SGK3: variants seen among roughly 807,000 people sequenced by gnomAD.
SGK3 encodes the protein serum/glucocorticoid regulated kinase family member 3.
Under a neutral mutation model 68.5 loss-of-function variants are expected in SGK3, and 47 were observed. The observed-to-expected ratio is 0.69, with a 90% CI of 0.54 to 0.87. The LOEUF (loss-of-function observed/expected upper bound fraction) is 0.87, where lower values mean the gene tolerates loss of function less well. Ranked by LOEUF, SGK3 falls within the 40% of genes least tolerant of loss-of-function variation. The pLI is 0.00. For missense variants in SGK3, 479 were observed against 575.5 expected, an observed-to-expected ratio of 0.83 and a Z score of 1.72; for synonymous variants, 181 against 189.1, an observed-to-expected ratio of 0.96 and a Z score of 0.35.
intron 16 of SGK3, 31 bp from the exon 17 acceptor site, chr8:66,859,380 G>GGT: frequency 6.6e-7 from 1 of 1,515,004 alleles, no homozygotes; most frequent in Non-Finnish European, 8.9e-7. Context: ...GAAAAGCTAA[G>GGT]GTGAATAATA....
At chr8:66,733,112 A>G (rs1260175063) in intron 1 of SGK3, among the ~76,000 whole-genome samples, 3 of 152,172 alleles carry the variant, frequency 2.0e-5, no homozygotes, top group Admixed American at 6.6e-5. Flanking sequence ...GGGGATAGCA[A>G]TTCAGGAGAA....
intron 15 of SGK3, 114 bp from the exon 16 acceptor site, chr8:66,850,717 C>T (rs1810247118): frequency 1.1e-6 from 1 of 944,828 alleles, no homozygotes; most frequent in Admixed American, 2.8e-5. Context: ...ACACATGTTC[C>T]TAAAAAGAGT....
rs1326090883 is a variant in SGK3 at position 66,751,327 on chromosome 8, A to G, written c.-122+38494A>G. ...TCATTAAATTTAAGTACTGGTTTACATATTCATTTTTATAGGGCATTTCTG... is the reference window on the plus strand; with the variant it reads ...TCATTAAATTTAAGTACTGGTTTACGTATTCATTTTTATAGGGCATTTCTG... On this transcript the variant is annotated intron_variant, in intron 1 of 16. Coordinates refer to ENST00000521198, the MANE Select transcript of SGK3 (RefSeq NM_001033578.3). Among the ~76,000 whole-genome samples, 4 of 152,336 alleles carry G rather than the reference A, an allele frequency of 2.6e-5. No individual in the cohort carries two copies. The East Asian group carries it at 7.7e-4, about 29-fold the overall frequency.
chr8:66,723,131 AT>A lies in SGK3; in HGVS notation c.-122+10319del, dbSNP rs1177940065. On this transcript the variant is annotated intron_variant, in intron 1 of 16. Transcript: ENST00000521198. ...TATATATATATATATATATATATAT[AT>A]TTTTTTTTTTTTTTTTTTTTGTAAA... 8.5e-3 allele frequency among the ~76,000 whole-genome samples: 248 copies of A among 29,194 alleles called. 2 individuals carry two copies. Among genetic ancestry groups the A allele is most frequent in the South Asian group, 0.013 (7 of 560 alleles). 19.2% of individuals were successfully genotyped at this position (29,194 alleles called of 152,430 possible).
chr8:66,827,470 ATAAT>A (rs1809111612), intron 6 of SGK3, among the ~76,000 whole-genome samples: 1 of 151,478 alleles, frequency 6.6e-6, no homozygotes, highest in African/African-American at 2.4e-5. Flanking sequence ...TATATGAAGT[ATAAT>A]TATATATTAT....
At chr8:66,797,187 C>T (rs911249927) in intron 2 of SGK3, among the ~76,000 whole-genome samples, 4 of 152,148 alleles carry the variant, frequency 2.6e-5, no homozygotes, top group Non-Finnish European at 2.9e-5. Flanking sequence ...CCTGAACTTT[C>T]TAAGATCCAT....
intron 14 of SGK3, among the ~76,000 whole-genome samples, chr8:66,846,321 C>T (rs563839205): frequency 5.9e-5 from 9 of 151,898 alleles, no homozygotes; most frequent in Non-Finnish European, 1.0e-4. Flanking sequence ...AAAGTTGTTA[C>T]TTTATTTATT....
intron 1 of SGK3, among the ~76,000 whole-genome samples, chr8:66,750,773 G>A (rs1199693774): frequency 6.6e-6 from 1 of 151,640 alleles, no homozygotes; most frequent in African/African-American, 2.4e-5. Flanking sequence ...GGGAGGCCGA[G>A]GCAGGTGGAT....
Position 66,861,238 on chromosome 8 carries a change from T to A in SGK3, c.*1657T>A, listed in dbSNP as rs1810736719. 6.6e-6 allele frequency: 1 copy of A among 152,206 alleles called. No individual in the cohort carries two copies. Among genetic ancestry groups the A allele is most frequent in the African/African-American group, 2.4e-5 (1 of 41,456 alleles). 9.4% of individuals were successfully genotyped at this position (152,206 alleles called of 1,614,324 possible). A position where few individuals can be genotyped will look rare whatever the true frequency, so the allele number is the denominator to read the frequency against. On this transcript the variant is annotated 3_prime_UTR_variant, in exon 17 of 17. Coordinates refer to ENST00000521198, the MANE Select transcript of SGK3 (RefSeq NM_001033578.3). ...TGTGTATTCAGTATCCAATTCAATA[T>A]ATCTTAGAAAAAGCACAGGAAACAG...
At chr8:66,778,498 G>A (rs377668133) in intron 1 of SGK3, among the ~76,000 whole-genome samples, 6 of 152,084 alleles carry the variant, frequency 3.9e-5, no homozygotes, top group East Asian at 1.9e-4. Flanking sequence ...GGGTTTCACC[G>A]TGTTAGCCAG....
At chr8:66,718,435 C>T (rs1057410355) in intron 1 of SGK3, among the ~76,000 whole-genome samples, 1 of 150,348 alleles carries the variant, frequency 6.7e-6, no homozygotes, top group Non-Finnish European at 1.5e-5. Context: ...TATATATACA[C>T]ACATATATAT....
intron 5 of SGK3, among the ~76,000 whole-genome samples, chr8:66,820,356 T>A (rs1808761691): frequency 6.6e-6 from 1 of 152,214 alleles, no homozygotes; most frequent in Non-Finnish European, 1.5e-5. Context: ...TTTATGAGCT[T>A]CATTCACGTT....
chr8:66,840,189 T>C, intron 11 of SGK3, 22 bp from the exon 12 acceptor site: 1 of 1,595,908 alleles, frequency 6.3e-7, no homozygotes. Context: ...AGTTTTGCGT[T>C]TCTTTCCTTT....
intron 16 of SGK3, among the ~76,000 whole-genome samples, chr8:66,852,084 A>G (rs531818166): frequency 6.6e-6 from 1 of 152,232 alleles, no homozygotes; most frequent in African/African-American, 2.4e-5. Context: ...ATGAGCAAGC[A>G]CTTAGAAAAT....
intron 1 of SGK3, among the ~76,000 whole-genome samples, chr8:66,761,255 G>C (rs958565197): frequency 6.6e-6 from 1 of 152,146 alleles, no homozygotes. Context: ...TGGGACTACA[G>C]GTGCATGCCA....
chr8:66,724,265 C>T (rs1804912170), intron 1 of SGK3, among the ~76,000 whole-genome samples: 1 of 152,222 alleles, frequency 6.6e-6, no homozygotes, highest in South Asian at 2.1e-4. Context: ...CAGGCGTGAG[C>T]CTCCATACCC....
At chr8:66,857,799 ATGTGTGTGTGTGTGTGTGTGTG>A (rs111758415) in intron 16 of SGK3, among the ~76,000 whole-genome samples, 4 of 133,716 alleles carry the variant, frequency 3.0e-5, no homozygotes, top group South Asian at 2.5e-4. Flanking sequence ...GTGTGTGTGT[ATGTGTGTGTGTGTGTGTGTGTG>A]TGTGTGTGTG....
chr8:66,787,579 G>A (rs956767113), intron 1 of SGK3, among the ~76,000 whole-genome samples: 29 of 152,114 alleles, frequency 1.9e-4, no homozygotes, highest in Admixed American at 1.9e-3. Context: ...CCAAATTGTT[G>A]AGTCTCTATA....
intron 1 of SGK3, among the ~76,000 whole-genome samples, chr8:66,752,312 G>A (rs1292331782): frequency 2.0e-5 from 3 of 152,116 alleles, no homozygotes; most frequent in African/African-American, 7.2e-5. Context: ...GTAGTTTCCT[G>A]GAATGCATGA....
Sources: allele counts gnomAD v4.1 joint callset (sites outside exome capture counted in the v4.1 genomes callset), GRCh38; gene constraint gnomAD v4.1.1; transcripts MANE v1.5; gene names NCBI Gene and HGNC (gene_info 2026-07-23, HGNC 2026-07-21).